Variants in RPS6KA5 observed in about 807,000 individuals in gnomAD.
The protein encoded by RPS6KA5 is ribosomal protein S6 kinase alpha-5.
Under a neutral mutation model 85.5 loss-of-function variants are expected in RPS6KA5, and 27 were observed. The observed-to-expected ratio is 0.32, with a 90% CI of 0.23 to 0.44. The LOEUF is 0.44. RPS6KA5 is among the 20% of genes least tolerant of loss of function. RPS6KA5 has a pLI of 1.00. For missense variants in RPS6KA5, 811 were observed against 980.9 expected, an observed-to-expected ratio of 0.83 and a Z score of 2.31; for synonymous variants, 334 against 348.2, an observed-to-expected ratio of 0.96 and a Z score of 0.46.
intron 1 of RPS6KA5, among the ~76,000 whole-genome samples, chr14:91,049,267 AAGAT>A (rs1445488261): frequency 6.6e-6 from 1 of 152,190 alleles, no homozygotes; most frequent in Non-Finnish European, 1.5e-5. Flanking sequence ...CTATAAACAA[AAGAT>A]AGAGCACAAG....
chr14:90,932,208 C>T (rs1028299407), intron 5 of RPS6KA5, among the ~76,000 whole-genome samples: 2 of 152,182 alleles, frequency 1.3e-5, no homozygotes, highest in African/African-American at 4.8e-5. Flanking sequence ...ACTGCATCCT[C>T]TGCCTCCCGG....
At position 90,885,741 on chromosome 14, in the gene RPS6KA5, CAAAAAAAAAAAAAAAAAAAA is replaced by C. The variant is rs11312699; in HGVS notation, c.1836+4726_1836+4745del. Among the ~76,000 whole-genome samples the C allele has an allele frequency of 2.2e-4, 6 of 27,888 alleles. No homozygotes were observed. The South Asian group carries it at 0.011, about 51-fold the overall frequency. 18.3% of individuals were successfully genotyped at this position (27,888 alleles called of 152,430 possible). On this transcript the variant is annotated intron_variant, in intron 14 of 16. Coordinates refer to ENST00000614987, the MANE Select transcript of RPS6KA5 (RefSeq NM_004755.4). The stretch of plus-strand genomic sequence containing the variant: ...TGGGTGACAGAGCAAGACTCCATCT[CAAAAAAAAAAAAAAAAAAAA>C]AAAAAAAAAAAAGAAAAAAGAAAAA...
intron 3 of RPS6KA5, among the ~76,000 whole-genome samples, chr14:90,970,809 C>T (rs771987025): frequency 2.6e-4 from 40 of 151,370 alleles, no homozygotes; most frequent in Non-Finnish European, 1.0e-4. Flanking sequence ...CTCCACGTTA[C>T]AAGATTTGGG....
At chr14:91,041,809 G>A (rs1325535143) in intron 1 of RPS6KA5, among the ~76,000 whole-genome samples, 2 of 152,198 alleles carry the variant, frequency 1.3e-5, no homozygotes, top group African/African-American at 4.8e-5. Flanking sequence ...TTACCTTGAA[G>A]ACTTACTGTA....
Position 90,873,651 on chromosome 14 carries a change from C to G in RPS6KA5, c.2141G>C (p.Cys714Ser), listed in dbSNP as rs1004150102. ...LGSSGAAVHTCVKATFHAFNK... is the reference protein window; with the variant it reads ...LGSSGAAVHTSVKATFHAFNK... ...CCTTACGTGGAAGGTTGCTTTCACACAGGTATGCACGGCAGCTCCGGAAGA... is the reference window on the plus strand; with the variant it reads ...CCTTACGTGGAAGGTTGCTTTCACAGAGGTATGCACGGCAGCTCCGGAAGA... Residue 714 changes from cysteine to serine, a missense_variant, in exon 16 of 17, where the codon TGT becomes TCT. This residue lies in a region of RPS6KA5 where 650 missense variants were observed against 793.4 expected (regional missense o/e 0.82). Coordinates refer to ENST00000614987, the MANE Select transcript of RPS6KA5 (RefSeq NM_004755.4). The G allele has an allele frequency of 1.7e-5, 28 of 1,613,788 alleles. No homozygotes were observed. The highest frequency in any genetic ancestry group is 2.4e-5 in the Non-Finnish European group (28 of 1,179,822).
chr14:90,982,137 T>C (rs1424912373), intron 2 of RPS6KA5, among the ~76,000 whole-genome samples: 2 of 152,268 alleles, frequency 1.3e-5, no homozygotes, highest in Non-Finnish European at 2.9e-5. Context: ...TCTTTTCTTT[T>C]AGTTTGCAAC....
intron 2 of RPS6KA5, among the ~76,000 whole-genome samples, chr14:90,983,787 T>TCTCTCTC (rs2039917681): frequency 2.3e-5 from 3 of 129,332 alleles, no homozygotes; most frequent in Non-Finnish European, 1.6e-5. Flanking sequence ...CTTTCTTTCT[T>TCTCTCTC]TCTCTCTCTC....
chr14:90,984,086 T>A (rs2140502445), intron 2 of RPS6KA5, among the ~76,000 whole-genome samples: 1 of 152,264 alleles, frequency 6.6e-6, no homozygotes, highest in African/African-American at 2.4e-5. Flanking sequence ...CCTCCGGTGA[T>A]CCACCCGCCT....
chr14:90,929,247 C>A (rs1044532246), intron 5 of RPS6KA5, among the ~76,000 whole-genome samples: 3 of 151,654 alleles, frequency 2.0e-5, no homozygotes, highest in African/African-American at 4.8e-5. Context: ...TCAATAAAAC[C>A]AAGCCAAACC....
intron 1 of RPS6KA5, among the ~76,000 whole-genome samples, chr14:91,008,139 T>C (rs1289268237): frequency 1.3e-5 from 2 of 152,272 alleles, no homozygotes; most frequent in Non-Finnish European, 2.9e-5. Flanking sequence ...TGCCATAGTT[T>C]CAGCTAAGCT....
chr14:90,899,500 G>C (rs2035038526), intron 11 of RPS6KA5, 78 bp from the exon 12 acceptor site: 4 of 956,520 alleles, frequency 4.2e-6, no homozygotes, highest in Non-Finnish European at 6.7e-6. Context: ...GACTAATTTT[G>C]TCTTATTTAC....
rs1566662643 is a variant in RPS6KA5, at chr14:90,863,326, A to AAAAAAAAAAAAG, written c.*8747_*8748insCTTTTTTTTTTT. The AAAAAAAAAAAAG allele has an allele frequency of 7.1e-5, 10 of 141,488 alleles. No individual in the cohort carries two copies. The highest frequency in any genetic ancestry group is 2.3e-4 in the African/African-American group (8 of 35,472). The allele number at this position is 141,488 out of a possible 1,614,324, so 8.8% of individuals were successfully genotyped here. A position where few individuals can be genotyped will look rare whatever the true frequency, so the allele number is the denominator to read the frequency against. On this transcript the variant is annotated 3_prime_UTR_variant, in exon 17 of 17. Coordinates refer to ENST00000614987, the MANE Select transcript of RPS6KA5 (RefSeq NM_004755.4). ...TCAAAAAAAAAAAAAAAAAAAAAAA[A>AAAAAAAAAAAAG]AAAAGAAAAGAAAAGAAAAAAATAT...
chr14:90,910,424 C>A (rs2035740520), intron 7 of RPS6KA5, among the ~76,000 whole-genome samples: 1 of 151,948 alleles, frequency 6.6e-6, no homozygotes, highest in Non-Finnish European at 1.5e-5. Flanking sequence ...CATAGGCAGA[C>A]AGGAAATAAG....
intron 7 of RPS6KA5, among the ~76,000 whole-genome samples, chr14:90,912,099 A>G (rs1053381429): frequency 2.6e-5 from 4 of 152,100 alleles, no homozygotes; most frequent in Admixed American, 2.6e-4. Flanking sequence ...CTCCCCCAGC[A>G]TTCTTCTTAC....
At chr14:90,884,243 T>G (rs2034045866) in intron 14 of RPS6KA5, among the ~76,000 whole-genome samples, 1 of 152,302 alleles carries the variant, frequency 6.6e-6, no homozygotes, top group South Asian at 2.1e-4. Flanking sequence ...TGCATGGCTG[T>G]CTGCTACAGG....
chr14:91,052,525 C>A, intron 1 of RPS6KA5: 1 of 212,966 alleles, frequency 4.7e-6, no homozygotes, highest in South Asian at 4.9e-5. Context: ...TACCACTAAT[C>A]AAATAGATAA....
intron 3 of RPS6KA5, among the ~76,000 whole-genome samples, chr14:90,973,867 G>A (rs1017388070): frequency 2.0e-5 from 3 of 151,590 alleles, no homozygotes; most frequent in Non-Finnish European, 4.4e-5. Flanking sequence ...GTGAAACCCC[G>A]TCTCTACTAA....
intron 1 of RPS6KA5, among the ~76,000 whole-genome samples, chr14:91,034,380 T>C (rs980127712): frequency 1.3e-5 from 2 of 151,466 alleles, no homozygotes; most frequent in Non-Finnish European, 2.9e-5. Context: ...TGATGAGAGG[T>C]GAAGCCAGCT....
chr14:90,877,840 A>C (rs2033577699), intron 14 of RPS6KA5, among the ~76,000 whole-genome samples: 1 of 152,186 alleles, frequency 6.6e-6, no homozygotes, highest in Non-Finnish European at 1.5e-5. Flanking sequence ...CAAATTCCTT[A>C]ACTTCTCTTA....
Sources: allele counts gnomAD v4.1 joint callset (sites outside exome capture counted in the v4.1 genomes callset), GRCh38; gene constraint gnomAD v4.1.1; regional missense constraint gnomAD v4.1.1; transcripts MANE v1.5; gene names NCBI Gene and HGNC (gene_info 2026-07-23, HGNC 2026-07-21).